ZNF280D: variants seen among roughly 807,000 people sequenced by gnomAD.
ZNF280D encodes the protein zinc finger protein 280D, also known as suppressor of hairy wing homolog 4.
ZNF280D carries 39 observed loss-of-function variants against 94.7 expected under a neutral mutation model. The ratio of observed to expected loss-of-function variants is 0.41; its 90% CI spans 0.32 to 0.54. ZNF280D has a LOEUF of 0.54. ZNF280D is among the 20% of genes least tolerant of loss of function. The pLI, the probability that ZNF280D is intolerant of heterozygous loss-of-function variation, is 0.22. For missense variants in ZNF280D, 1,090 were observed against 1,149.3 expected, an observed-to-expected ratio of 0.95 and a Z score of 0.75; for synonymous variants, 398 against 377.6, an observed-to-expected ratio of 1.05 and a Z score of -0.63.
chr15:56,654,140 A>T, intron 19 of ZNF280D, 58 bp downstream of exon 19: 1 of 1,568,238 alleles, frequency 6.4e-7, no homozygotes, highest in Non-Finnish European at 8.6e-7. Context: ...TACATTTAAA[A>T]ATGCAATAGT....
chr15:56,717,203 G>A (rs944374426), intron 1 of ZNF280D, among the ~76,000 whole-genome samples: 1 of 152,154 alleles, frequency 6.6e-6, no homozygotes, highest in East Asian at 1.9e-4. Flanking sequence ...AAGATTGGAG[G>A]AAGAATGGTT....
At chr15:56,713,015 C>T (rs1470114998) in intron 1 of ZNF280D, among the ~76,000 whole-genome samples, 5 of 152,168 alleles carry the variant, frequency 3.3e-5, no homozygotes, top group Admixed American at 1.3e-4. Context: ...GCTGGCATTA[C>T]AGGTGTGAGC....
At chr15:56,710,163 G>A (rs1036602365) in intron 1 of ZNF280D, among the ~76,000 whole-genome samples, 6 of 152,248 alleles carry the variant, frequency 3.9e-5, no homozygotes, top group Non-Finnish European at 5.9e-5. Flanking sequence ...AACACTTTGG[G>A]AGGCCGAGGC....
At chr15:56,717,693 T>C (rs1275905862) in intron 1 of ZNF280D, among the ~76,000 whole-genome samples, 1 of 152,162 alleles carries the variant, frequency 6.6e-6, no homozygotes, top group Non-Finnish European at 1.5e-5. Flanking sequence ...ACTATCATCA[T>C]CCCCTGTTTA....
intron 21 of ZNF280D, among the ~76,000 whole-genome samples, chr15:56,632,505 T>G (rs1361663689): frequency 6.7e-6 from 1 of 150,248 alleles, no homozygotes; most frequent in African/African-American, 2.4e-5. Flanking sequence ...GATTTTTTTT[T>G]TTTTTTTTTT....
chr15:56,669,900 ATAAT>A lies in ZNF280D; in HGVS notation c.1411-947_1411-944del, dbSNP rs1169456192. Among the ~76,000 whole-genome samples, 2 of 7,522 alleles carry A rather than the reference ATAAT, an allele frequency of 2.7e-4. 1 individual carries two copies. The highest frequency in any genetic ancestry group is 4.4e-4 in the Non-Finnish European group (2 of 4,534). 4.9% of individuals were successfully genotyped at this position (7,522 alleles called of 152,430 possible). Reference sequence around the variant, plus strand: ...ATATATATATATATTATATATATATATAATATATATATATTATATATATATTATA... The same window carrying A: ...ATATATATATATATTATATATATATAATATATATATTATATATATATTATA... On this transcript the variant is annotated intron_variant, in intron 13 of 21. Transcript: ENST00000267807.
rs147737624 is a variant in ZNF280D at position 56,707,113 on chromosome 15, G to T, written c.-4C>A. 2.7e-4 allele frequency: 431 copies of T among 1,613,922 alleles called. 1 individual carries two copies. In the African/African-American group the frequency reaches 5.2e-3, roughly 19 times the overall value. On this transcript the variant is annotated 5_prime_UTR_variant, in exon 3 of 22. Transcript: ENST00000267807. Reference sequence around the variant, plus strand: ...GTTGAAAAGGGTTGTCGCCCATCAAGCTGCAGAGATGACTTTCTGTAAATT... The same window carrying T: ...GTTGAAAAGGGTTGTCGCCCATCAATCTGCAGAGATGACTTTCTGTAAATT...
intron 19 of ZNF280D, among the ~76,000 whole-genome samples, chr15:56,645,985 C>A (rs557344312): frequency 4.5e-4 from 69 of 152,304 alleles, no homozygotes; most frequent in Middle Eastern, 3.4e-3. Flanking sequence ...AGCTAGGCCA[C>A]ATTCTTTCTT....
intron 13 of ZNF280D, 109 bp from the exon 14 acceptor site, chr15:56,669,066 T>C: frequency 9.4e-7 from 1 of 1,064,452 alleles, no homozygotes; most frequent in Non-Finnish European, 1.3e-6. Context: ...ATGTAAAAAC[T>C]TGCGGTTTAA....
At chr15:56,713,578 T>C (rs2057887084) in intron 1 of ZNF280D, among the ~76,000 whole-genome samples, 1 of 152,194 alleles carries the variant, frequency 6.6e-6, no homozygotes, top group Non-Finnish European at 1.5e-5. Flanking sequence ...TGGAGGACTA[T>C]CATTTTAGAA....
intron 3 of ZNF280D, among the ~76,000 whole-genome samples, chr15:56,705,231 CAG>C (rs1341990357): frequency 1.3e-5 from 2 of 152,168 alleles, no homozygotes; most frequent in African/African-American, 4.8e-5. Context: ...ACTAATTATA[CAG>C]AGTTCTTCAA....
intron 6 of ZNF280D, among the ~76,000 whole-genome samples, chr15:56,696,104 T>C (rs1207751022): frequency 6.6e-6 from 1 of 152,244 alleles, no homozygotes; most frequent in Non-Finnish European, 1.5e-5. Context: ...CTCAAACTAA[T>C]CCTAGAATTT....
chr15:56,675,210 T>C (rs1283180433), intron 13 of ZNF280D, among the ~76,000 whole-genome samples: 7 of 151,956 alleles, frequency 4.6e-5, no homozygotes, highest in Admixed American at 4.6e-4. Flanking sequence ...GGTCCCCAAA[T>C]CTCTACCATA....
chr15:56,718,945 A>G (rs2058192771), intron 1 of ZNF280D, among the ~76,000 whole-genome samples: 1 of 152,192 alleles, frequency 6.6e-6, no homozygotes, highest in South Asian at 2.1e-4. Context: ...CTATACACCA[A>G]TAGTCCTGTG....
chr15:56,666,581 AAAT>A (rs1326979425), intron 15 of ZNF280D, 46 bp from the exon 16 acceptor site: 5 of 1,533,878 alleles, frequency 3.3e-6, no homozygotes, highest in Non-Finnish European at 3.5e-6. Flanking sequence ...TTTAAAACAA[AAAT>A]AATAAGGAAG....
intron 1 of ZNF280D, among the ~76,000 whole-genome samples, chr15:56,709,677 C>T (rs2057642836): frequency 6.6e-6 from 1 of 152,050 alleles, no homozygotes; most frequent in Non-Finnish European, 1.5e-5. Context: ...TACTATGCAG[C>T]CATAAAAAAG....
At chr15:56,673,691 A>C (rs548352461) in intron 13 of ZNF280D, among the ~76,000 whole-genome samples, 23 of 151,884 alleles carry the variant, frequency 1.5e-4, no homozygotes, top group South Asian at 1.5e-3. Flanking sequence ...TATTGCTATA[A>C]CCTCATCTCC....
intron 17 of ZNF280D, among the ~76,000 whole-genome samples, chr15:56,655,444 G>C (rs2053485142): frequency 7.7e-4 from 2 of 2,604 alleles, no homozygotes; most frequent in Non-Finnish European, 0.021. Flanking sequence ...CTGACCTTGT[G>C]ATCAGCCCCA....
intron 19 of ZNF280D, among the ~76,000 whole-genome samples, chr15:56,652,052 A>C (rs942546723): frequency 1.2e-4 from 11 of 94,182 alleles, no homozygotes; most frequent in South Asian, 3.1e-4. Context: ...AAAAAAAAAA[A>C]AACAACTAGT....
Sources: allele counts gnomAD v4.1 joint callset (sites outside exome capture counted in the v4.1 genomes callset), GRCh38; gene constraint gnomAD v4.1.1; transcripts MANE v1.5; gene names NCBI Gene and HGNC (gene_info 2026-07-23, HGNC 2026-07-21).